The following PREX2 variants were observed in gnomAD, a reference collection of about 807,000 sequenced individuals.
PREX2 encodes the protein phosphatidylinositol-3,4,5-trisphosphate dependent Rac exchange factor 2.
PREX2 carries 107 observed loss-of-function variants against 203.2 expected under a neutral mutation model. The observed-to-expected ratio is 0.53, with a 90% CI of 0.45 to 0.62. PREX2 has a LOEUF of 0.62. PREX2 is among the 20% of genes least tolerant of loss of function. The pLI, the probability that PREX2 is intolerant of heterozygous loss-of-function variation, is 0.00. For missense variants in PREX2, 1,777 were observed against 1,955.9 expected (o/e 0.91, Z 1.72); for synonymous variants, 672 against 663.6 (o/e 1.01, Z -0.19).
intron 8 of PREX2, 142 bp downstream of exon 8, chr8:68,044,732 A>G (rs1279928061): frequency 1.9e-5 from 12 of 645,514 alleles, no homozygotes; most frequent in Non-Finnish European, 3.2e-5. Context: ...TGGGTAGAGA[A>G]AAGAGAAAGG....
chr8:68,134,409 A>C (rs1811071923), intron 32 of PREX2, 133 bp downstream of exon 32: 4 of 678,372 alleles, frequency 5.9e-6, no homozygotes, highest in Non-Finnish European at 9.9e-6. Context: ...CTACTTTAAA[A>C]ATATACATTT....
intron 1 of PREX2, among the ~76,000 whole-genome samples, chr8:68,011,903 TAAGAA>T (rs1391276276): frequency 6.6e-6 from 1 of 152,148 alleles, no homozygotes; most frequent in South Asian, 2.1e-4. Flanking sequence ...AAAACACACT[TAAGAA>T]AAGATGGCAT....
chr8:68,109,047 G>C (rs971458101), intron 24 of PREX2: 23 of 447,754 alleles, frequency 5.1e-5, no homozygotes, highest in Middle Eastern at 6.6e-4. Flanking sequence ...GGCCTGGGGT[G>C]GTTGGGTGGG....
intron 37 of PREX2, among the ~76,000 whole-genome samples, chr8:68,213,743 A>C (rs1812783943): frequency 6.6e-6 from 1 of 152,180 alleles, no homozygotes; most frequent in Non-Finnish European, 1.5e-5. Flanking sequence ...TCCTATGGGG[A>C]AATTAAACAT....
At chr8:68,124,208 G>T (rs896209228) in intron 30 of PREX2, among the ~76,000 whole-genome samples, 4 of 152,022 alleles carry the variant, frequency 2.6e-5, no homozygotes, top group Non-Finnish European at 5.9e-5. Flanking sequence ...TTGCAGGACT[G>T]CTCACAATAC....
intron 8 of PREX2, among the ~76,000 whole-genome samples, chr8:68,048,875 C>T (rs62520745): frequency 0.17 from 25,374 of 151,748 alleles, 2,129 homozygotes; most frequent in Non-Finnish European, 0.19. Context: ...GCATACCAGT[C>T]GACTGACTAG....
intron 30 of PREX2, among the ~76,000 whole-genome samples, chr8:68,121,535 T>A (rs890106752): frequency 3.0e-4 from 45 of 152,290 alleles, no homozygotes; most frequent in African/African-American, 9.6e-4. Context: ...ATTATTTACA[T>A]GACATTCTAT....
intron 1 of PREX2, among the ~76,000 whole-genome samples, chr8:67,997,879 C>G (rs1040520490): frequency 6.6e-6 from 1 of 152,094 alleles, no homozygotes; most frequent in Non-Finnish European, 1.5e-5. Context: ...GCTCTTCAAT[C>G]CATGAACGTG....
chr8:68,109,836 G>A (rs1412214574), intron 25 of PREX2, among the ~76,000 whole-genome samples: 1 of 152,076 alleles, frequency 6.6e-6, no homozygotes, highest in Non-Finnish European at 1.5e-5. Flanking sequence ...TAATACTAGG[G>A]AAGAGAATGA....
intron 35 of PREX2, among the ~76,000 whole-genome samples, chr8:68,188,327 T>A (rs1022257757): frequency 6.6e-6 from 1 of 151,958 alleles, no homozygotes; most frequent in Admixed American, 6.6e-5. Flanking sequence ...TAAAAATAAT[T>A]TAAAAACCAT....
At position 68,002,129 on chromosome 8, in the gene PREX2, C is replaced by CTT. The variant is rs60762447; in HGVS notation, c.142-15711_142-15710dup. 3.2e-4 allele frequency among the ~76,000 whole-genome samples: 47 copies of CTT among 146,378 alleles called. No individual in the cohort carries two copies. The East Asian group carries it at 4.8e-3, about 15-fold the overall frequency. On this transcript the variant is annotated intron_variant, in intron 1 of 39. Coordinates refer to ENST00000288368, the MANE Select transcript of PREX2 (RefSeq NM_024870.4). The stretch of plus-strand genomic sequence containing the variant: ...TGCATGGAGAAGATATTAATTTTGC[C>CTT]TTTTTTTCTTTTTCTTTCTTTCTTT...
rs181041740 is a variant in PREX2 at position 68,148,498 on chromosome 8, C to T, written c.4231+2146C>T. ...AATTATTGCATCTATGACACATCAG[C>T]CATAAATAGCTGAATAATCATATCC... On this transcript the variant is annotated intron_variant, in intron 34 of 39. Transcript: ENST00000288368. Among the ~76,000 whole-genome samples, 44 of 152,268 alleles carry T rather than the reference C, an allele frequency of 2.9e-4. 1 individual carries two copies. The highest frequency in any genetic ancestry group is 2.9e-3 in the Admixed American group (44 of 15,282).
chr8:68,111,459 G>A (rs939881653), intron 25 of PREX2, among the ~76,000 whole-genome samples: 2 of 151,970 alleles, frequency 1.3e-5, no homozygotes, highest in African/African-American at 4.8e-5. Flanking sequence ...AACCCAAGGA[G>A]CTCCTTTTAC....
intron 8 of PREX2, among the ~76,000 whole-genome samples, chr8:68,047,865 G>C (rs148318297): frequency 1.0e-3 from 156 of 151,666 alleles, no homozygotes; most frequent in African/African-American, 3.2e-3. Context: ...ATTGCACTTG[G>C]GATGAGACAA....
At chr8:68,202,166 C>T (rs774321291) in intron 37 of PREX2, among the ~76,000 whole-genome samples, 4 of 152,120 alleles carry the variant, frequency 2.6e-5, no homozygotes, top group Non-Finnish European at 4.4e-5. Context: ...TCCCAAAGTG[C>T]TGGGATTACA....
In PREX2 at chr8:68,097,094, C is replaced by T. The variant is rs761889048; in HGVS notation, c.2446C>T (p.His816Tyr). 1.2e-6 allele frequency: 2 copies of T among 1,613,902 alleles called. No individual in the cohort carries two copies. Among genetic ancestry groups the T allele is most frequent in the South Asian group, 1.1e-5 (1 of 91,076 alleles). The part of the protein sequence containing the change: ...EHVSLTVDNV[H>Y]LEYGVVYEYD... ...TGTGAGTCTGACAGTGGACAATGTCCACCTGGAATATGGTGTCGTGTATGA... is the reference window on the plus strand; with the variant it reads ...TGTGAGTCTGACAGTGGACAATGTCTACCTGGAATATGGTGTCGTGTATGA... Residue 816 changes from histidine to tyrosine, a missense_variant, in exon 22 of 40, where the codon CAC (histidine) becomes TAC (tyrosine). Physicochemically the swap from His to Tyr is moderately conservative, Grantham distance 83. Transcript: ENST00000288368.
intron 25 of PREX2, among the ~76,000 whole-genome samples, chr8:68,113,805 T>C (rs1221780138): frequency 6.6e-6 from 1 of 152,184 alleles, no homozygotes; most frequent in Non-Finnish European, 1.5e-5. Flanking sequence ...CTTCTCTCAG[T>C]AGAATTTGAG....
chr8:68,076,884 G>A (rs948785292), intron 14 of PREX2, among the ~76,000 whole-genome samples: 1 of 151,796 alleles, frequency 6.6e-6, no homozygotes, highest in African/African-American at 2.4e-5. Flanking sequence ...GCTTGTATTT[G>A]CTAGCTCAGC....
At chr8:68,189,253 T>G (rs1314680575) in intron 35 of PREX2, among the ~76,000 whole-genome samples, 1 of 152,188 alleles carries the variant, frequency 6.6e-6, no homozygotes, top group Admixed American at 6.5e-5. Context: ...ATAGCAATAA[T>G]ATTTAAAACG....
Sources: gnomAD v4.1 joint callset for allele counts (sites outside exome capture counted in the v4.1 genomes callset) on GRCh38, gnomAD v4.1.1 for gene constraint, MANE v1.5 for transcripts, NCBI Gene and HGNC (gene_info 2026-07-23, HGNC 2026-07-21) for gene names.